The following DIAPH3 variants were observed in gnomAD, a reference collection of about 807,000 sequenced individuals.
DIAPH3 encodes the protein diaphanous related formin 3.
DIAPH3 carries 117 observed loss-of-function variants against 144.3 expected under a neutral mutation model. The ratio of observed to expected loss-of-function variants is 0.81; its 90% CI spans 0.70 to 0.95. The LOEUF is 0.95. DIAPH3 is among the 40% of genes least tolerant of loss of function. DIAPH3 has a pLI of 0.00. For missense variants in DIAPH3, 1,421 were observed against 1,412.7 expected (o/e 1.01, Z -0.09); for synonymous variants, 519 against 488.9 (o/e 1.06, Z -0.81).
chr13:60,000,003 A>G (rs1164100326), intron 9 of DIAPH3, among the ~76,000 whole-genome samples: 2 of 152,206 alleles, frequency 1.3e-5, no homozygotes, highest in East Asian at 3.8e-4. Context: ...GGTATTTAAC[A>G]GAACACTTTT....
intron 22 of DIAPH3, among the ~76,000 whole-genome samples, chr13:59,861,075 T>C (rs2043551000): frequency 6.6e-6 from 1 of 152,190 alleles, no homozygotes; most frequent in African/African-American, 2.4e-5. Flanking sequence ...TCAGTGCCTA[T>C]GAATGACATT....
chr13:59,839,409 C>G lies in DIAPH3; in HGVS notation c.2777G>C (p.Gly926Ala), dbSNP rs199833209. ...ETLEKNLRQMGRQLQQLEKEL... is the reference protein window; with the variant it reads ...ETLEKNLRQMARQLQQLEKEL... ...CTTCTCAAGCTGTTGAAGCTGCCTT[C>G]CCATCTGCCTCAAATTCTTTTCCAG... The change falls in exon 23 of 28, where the codon GGA becomes GCA. Residue 926 changes from glycine (G) to alanine (A), a missense_variant. Coordinates refer to ENST00000400324, the MANE Select transcript of DIAPH3 (RefSeq NM_001042517.2). The G allele has an allele frequency of 1.8e-5, 29 of 1,613,594 alleles. No individual in the cohort carries two copies. Among genetic ancestry groups the G allele is most frequent in the Non-Finnish European group, 2.5e-5 (29 of 1,179,810 alleles).
intron 27 of DIAPH3, among the ~76,000 whole-genome samples, chr13:59,749,786 T>C (rs1049152864): frequency 6.6e-6 from 1 of 152,130 alleles, no homozygotes; most frequent in African/African-American, 2.4e-5. Context: ...TTTTTCTCCT[T>C]AGAATTTATG....
chr13:59,899,659 T>C (rs956212336), intron 20 of DIAPH3, among the ~76,000 whole-genome samples: 1 of 152,176 alleles, frequency 6.6e-6, no homozygotes, highest in Non-Finnish European at 1.5e-5. Flanking sequence ...GGGAAGTCAT[T>C]GTAGGGTTAT....
At chr13:59,797,902 C>T (rs2039697453) in intron 25 of DIAPH3, among the ~76,000 whole-genome samples, 1 of 152,158 alleles carries the variant, frequency 6.6e-6, no homozygotes, top group East Asian at 1.9e-4. Flanking sequence ...TTATTTTCCT[C>T]TATGAAAGAA....
chr13:60,032,584 G>A (rs942942774), intron 5 of DIAPH3, among the ~76,000 whole-genome samples: 3 of 152,214 alleles, frequency 2.0e-5, no homozygotes, highest in Non-Finnish European at 2.9e-5. Flanking sequence ...TGGAGCCGGA[G>A]TGGCAGGGAA....
chr13:60,011,382 A>G (rs556065793), intron 7 of DIAPH3, among the ~76,000 whole-genome samples: 159 of 152,288 alleles, frequency 1.0e-3, no homozygotes, highest in African/African-American at 3.7e-3. Context: ...ATATATTATC[A>G]TAAGCAAACA....
chr13:60,019,081 T>G (rs2141008199), intron 5 of DIAPH3, among the ~76,000 whole-genome samples: 1 of 152,228 alleles, frequency 6.6e-6, no homozygotes, highest in Middle Eastern at 3.4e-3. Flanking sequence ...TCACTTCCTA[T>G]TTCCACTGGA....
intron 24 of DIAPH3, among the ~76,000 whole-genome samples, chr13:59,820,117 A>T (rs986279254): frequency 6.6e-6 from 1 of 151,998 alleles, no homozygotes; most frequent in African/African-American, 2.4e-5. Context: ...TTTATCCAGC[A>T]ACAATTCAAG....
chr13:60,050,946 C>T (rs569849805), intron 4 of DIAPH3, among the ~76,000 whole-genome samples: 16 of 152,232 alleles, frequency 1.1e-4, no homozygotes, highest in Admixed American at 9.2e-4. Flanking sequence ...TTTCAATGTA[C>T]AGCAGACAGG....
intron 27 of DIAPH3, among the ~76,000 whole-genome samples, chr13:59,723,485 G>C (rs1038413390): frequency 6.6e-6 from 1 of 152,102 alleles, no homozygotes; most frequent in Non-Finnish European, 1.5e-5. Context: ...ATGTGTGTGC[G>C]TGTGTGGTCT....
chr13:60,127,455 C>T (rs1422961105), intron 2 of DIAPH3, among the ~76,000 whole-genome samples: 2 of 151,612 alleles, frequency 1.3e-5, no homozygotes, highest in Admixed American at 1.3e-4. Context: ...AGTTTCTTAT[C>T]AAGTTAAAGA....
chr13:60,017,873 A>T (rs1271494771), intron 5 of DIAPH3, among the ~76,000 whole-genome samples: 1 of 152,250 alleles, frequency 6.6e-6, no homozygotes, highest in African/African-American at 2.4e-5. Context: ...TGCTACTTCA[A>T]AAGTGAAGGG....
At chr13:59,929,249 T>C (rs2047898261) in intron 17 of DIAPH3, among the ~76,000 whole-genome samples, 1 of 152,206 alleles carries the variant, frequency 6.6e-6, no homozygotes, top group Non-Finnish European at 1.5e-5. Flanking sequence ...AACCTGTATA[T>C]TACAATTATA....
At chr13:60,115,755 T>A (rs1351866395) in intron 2 of DIAPH3, among the ~76,000 whole-genome samples, 6 of 152,122 alleles carry the variant, frequency 3.9e-5, no homozygotes, top group Admixed American at 6.5e-5. Context: ...ATTCAAGATA[T>A]ATATAACTTT....
chr13:60,067,320 A>T (rs1407954850), intron 4 of DIAPH3, among the ~76,000 whole-genome samples: 1 of 152,090 alleles, frequency 6.6e-6, no homozygotes, highest in Non-Finnish European at 1.5e-5. Context: ...TTTCTCACTG[A>T]AAGTCACTCT....
Position 59,803,983 on chromosome 13 carries a change from A to G in DIAPH3, c.3163+6805T>C, listed in dbSNP as rs1385637915. Among the ~76,000 whole-genome samples, 7 of 152,342 alleles carry G rather than the reference A, an allele frequency of 4.6e-5. No individual in the cohort carries two copies. In the East Asian group the frequency reaches 1.4e-3, roughly 29 times the overall value. On this transcript the variant is annotated intron_variant, in intron 25 of 27. Coordinates refer to ENST00000400324, the MANE Select transcript of DIAPH3 (RefSeq NM_001042517.2). ...GTCTCAGGGCACACATTACAAGTAA[A>G]GCACACAAAATGTTTGTGCCACTCC...
At chr13:59,855,896 T>G (rs966840601) in intron 22 of DIAPH3, among the ~76,000 whole-genome samples, 2 of 151,488 alleles carry the variant, frequency 1.3e-5, no homozygotes, top group African/African-American at 4.9e-5. Context: ...ATATATATAT[T>G]TATGGATATA....
At chr13:59,772,719 T>C (rs376129) in intron 27 of DIAPH3, among the ~76,000 whole-genome samples, 99,991 of 151,890 alleles carry the variant, frequency 0.66, 33,389 homozygotes, top group East Asian at 0.72. Flanking sequence ...AAATTAACTG[T>C]AGGATGGTAT....
Sources: gnomAD v4.1 joint callset for allele counts (sites outside exome capture counted in the v4.1 genomes callset) on GRCh38, gnomAD v4.1.1 for gene constraint, MANE v1.5 for transcripts, NCBI Gene and HGNC (gene_info 2026-07-23, HGNC 2026-07-21) for gene names.